Variants in TRPM1 observed in about 807,000 individuals in gnomAD.
TRPM1 encodes transient receptor potential cation channel subfamily M member 1.
TRPM1 carries 113 observed loss-of-function variants against 149.4 expected under a neutral mutation model. The observed-to-expected ratio is 0.76, with a 90% CI of 0.65 to 0.88. TRPM1 has a LOEUF of 0.88. Ranked by LOEUF, TRPM1 falls within the 40% of genes least tolerant of loss-of-function variation. The probability of loss-of-function intolerance (pLI) is 0.00; values close to 1 mark genes in which losing one functional copy is unlikely to be tolerated. For missense variants in TRPM1, 1,976 were observed against 2,038.7 expected (o/e 0.97, Z 0.59); for synonymous variants, 741 against 759.5 (o/e 0.98, Z 0.40).
intron 16 of TRPM1, among the ~76,000 whole-genome samples, chr15:31,044,300 G>C (rs2033702945): frequency 6.6e-6 from 1 of 152,182 alleles, no homozygotes; most frequent in Non-Finnish European, 1.5e-5. Flanking sequence ...CTTTCAAACT[G>C]AGTTAGCACG....
chr15:31,012,192 G>A (rs921504645), intron 27 of TRPM1, among the ~76,000 whole-genome samples: 3 of 152,174 alleles, frequency 2.0e-5, no homozygotes, highest in Non-Finnish European at 4.4e-5. Context: ...TACCTATGTA[G>A]TTAAATTTAC....
chr15:31,077,944 C>T (rs1346423335), intron 2 of TRPM1, among the ~76,000 whole-genome samples: 1 of 151,802 alleles, frequency 6.6e-6, no homozygotes, highest in East Asian at 1.9e-4. Context: ...TGACTATGAC[C>T]TGTGTAGTGT....
At position 31,042,019 on chromosome 15, in the gene TRPM1, G is replaced by A; in HGVS notation, c.2019C>T (p.Ala673=). The A allele has an allele frequency of 3.1e-6, 5 of 1,614,210 alleles. No homozygotes were observed. The highest frequency in any genetic ancestry group is 4.2e-6 in the Non-Finnish European group (5 of 1,180,026). Residue 673 remains alanine, a synonymous_variant, in exon 17 of 28, where the codon GCC becomes GCT. Coordinates refer to ENST00000256552, the MANE Select transcript of TRPM1 (RefSeq NM_001252024.2). ...CACTCTCGGAGGACTCGTGGGCCATGGCCTTGTAGAGCTTGCAGGCCACCA... is the reference window on the plus strand; with the variant it reads ...CACTCTCGGAGGACTCGTGGGCCATAGCCTTGTAGAGCTTGCAGGCCACCA... ...KALVACKLYK[A]MAHESSESDL...
chr15:31,016,107 T>C (rs188181678), intron 27 of TRPM1, among the ~76,000 whole-genome samples: 2 of 152,308 alleles, frequency 1.3e-5, no homozygotes, highest in African/African-American at 2.4e-5. Context: ...ACCTCAGCCA[T>C]TGCATGTAAA....
chr15:31,038,698 C>T (rs932255388), intron 18 of TRPM1, among the ~76,000 whole-genome samples: 3 of 152,098 alleles, frequency 2.0e-5, no homozygotes, highest in Admixed American at 2.0e-4. Context: ...GGTGACAGAG[C>T]AAGACCCTGT....
chr15:31,117,643 G>A (rs1274977907), intron 1 of TRPM1, among the ~76,000 whole-genome samples: 3 of 94,914 alleles, frequency 3.2e-5, no homozygotes, highest in Non-Finnish European at 4.3e-5. Flanking sequence ...GTGAGATTCT[G>A]TCTCAAAGAA....
chr15:31,092,727 G>A (rs552763378), intron 1 of TRPM1, among the ~76,000 whole-genome samples: 9 of 152,266 alleles, frequency 5.9e-5, no homozygotes, highest in East Asian at 5.8e-4. Context: ...ACACAGAGCC[G>A]TCTAGATGCC....
At chr15:31,123,661 G>A (rs1038362335) in intron 1 of TRPM1, among the ~76,000 whole-genome samples, 5 of 152,254 alleles carry the variant, frequency 3.3e-5, no homozygotes, top group South Asian at 2.1e-4. Context: ...ATACTACTAC[G>A]CATCTATTTG....
At chr15:31,072,872 A>ATT (rs148091269) in intron 3 of TRPM1, among the ~76,000 whole-genome samples, 1 of 151,320 alleles carries the variant, frequency 6.6e-6, no homozygotes, top group African/African-American at 2.4e-5. Flanking sequence ...TGGGTTATTT[A>ATT]TTTTTTTTTA....
At chr15:31,094,609 A>G (rs1372476467) in intron 1 of TRPM1, among the ~76,000 whole-genome samples, 1 of 152,252 alleles carries the variant, frequency 6.6e-6, no homozygotes, top group Non-Finnish European at 1.5e-5. Context: ...AAACACATGA[A>G]AAGATACCCA....
chr15:31,019,335 TAC>T (rs2032473711), intron 27 of TRPM1, among the ~76,000 whole-genome samples: 1 of 152,362 alleles, frequency 6.6e-6, no homozygotes, highest in Non-Finnish European at 1.5e-5. Flanking sequence ...TGTGCTTACT[TAC>T]AGAGTTTTTA....
intron 3 of TRPM1, among the ~76,000 whole-genome samples, chr15:31,075,861 C>T (rs866861542): frequency 1.5e-4 from 22 of 151,478 alleles, no homozygotes; most frequent in African/African-American, 2.9e-4. Flanking sequence ...AGGGTTTAAA[C>T]GGTTGGTTTT....
rs946994016 is a variant in TRPM1 at position 31,062,075 on chromosome 15, G to A, written c.1089+504C>T. ...CCCATCCCTTCTGGCACCCTCGAGA[G>A]GAGGGAGCTACACTCCGAAATCTCA... On this transcript the variant is annotated intron_variant, in intron 9 of 27. Coordinates refer to ENST00000256552, the MANE Select transcript of TRPM1 (RefSeq NM_001252024.2). Among the ~76,000 whole-genome samples the A allele has an allele frequency of 3.3e-5, 5 of 152,148 alleles. No individual in the cohort carries two copies. In the East Asian group the frequency reaches 9.6e-4, roughly 29 times the overall value.
intron 1 of TRPM1, among the ~76,000 whole-genome samples, chr15:31,154,119 A>C (rs983263489): frequency 6.6e-6 from 1 of 152,252 alleles, no homozygotes; most frequent in African/African-American, 2.4e-5. Flanking sequence ...TGTCTACGGA[A>C]TTTAACAATT....
intron 27 of TRPM1, among the ~76,000 whole-genome samples, chr15:31,025,142 T>TG (rs2032679546): frequency 6.6e-6 from 1 of 152,198 alleles, no homozygotes; most frequent in African/African-American, 2.4e-5. Context: ...TGGCTCTCAA[T>TG]GTGTCTGTTA....
chr15:31,081,063 C>A (rs1245790119), intron 2 of TRPM1, among the ~76,000 whole-genome samples: 2 of 152,168 alleles, frequency 1.3e-5, no homozygotes, highest in African/African-American at 4.8e-5. Flanking sequence ...CCTGTCCCCC[C>A]CCTTATCGTG....
intron 11 of TRPM1, among the ~76,000 whole-genome samples, chr15:31,055,842 G>A (rs553977923): frequency 2.6e-5 from 4 of 152,274 alleles, no homozygotes; most frequent in East Asian, 1.9e-4. Context: ...GGACAGCCAA[G>A]GATCTAGAGC....
intron 1 of TRPM1, among the ~76,000 whole-genome samples, chr15:31,101,288 G>A (rs78338755): frequency 0.021 from 3,204 of 152,302 alleles, 117 homozygotes; most frequent in African/African-American, 0.072. Context: ...GAAGCTCAGA[G>A]GGTTTCAGCC....
At chr15:31,099,481 C>A (rs559492190) in intron 1 of TRPM1, among the ~76,000 whole-genome samples, 3 of 152,308 alleles carry the variant, frequency 2.0e-5, no homozygotes, top group Admixed American at 2.0e-4. Context: ...TTTCTAAAAA[C>A]ATCTACTGCC....
Sources: gnomAD v4.1 joint callset for allele counts (sites outside exome capture counted in the v4.1 genomes callset) on GRCh38, gnomAD v4.1.1 for gene constraint, MANE v1.5 for transcripts, NCBI Gene and HGNC (gene_info 2026-07-23, HGNC 2026-07-21) for gene names.